Variants in CTDSPL observed in about 807,000 individuals in gnomAD.
The protein encoded by CTDSPL is CTD small phosphatase like.
CTDSPL carries 8 observed loss-of-function variants against 30.5 expected under a neutral mutation model. The observed-to-expected ratio is 0.26, with a 90% confidence interval of 0.15 to 0.47. CTDSPL has a LOEUF of 0.47. Ranked by LOEUF, CTDSPL falls within the 20% of genes least tolerant of loss-of-function variation. CTDSPL has a pLI of 0.99. For missense variants in CTDSPL, 248 were observed against 366.1 expected, an observed-to-expected ratio of 0.68 and a Z score of 2.63; for synonymous variants, 110 against 137.9, an observed-to-expected ratio of 0.80 and a Z score of 1.42.
At chr3:37,931,380 C>G (rs1043051590) in intron 1 of CTDSPL, among the ~76,000 whole-genome samples, 3 of 152,024 alleles carry the variant, frequency 2.0e-5, no homozygotes, top group East Asian at 3.9e-4. Context: ...AACTCCTGGC[C>G]TCAAGTGAGC....
chr3:37,938,873 A>G lies in CTDSPL; in HGVS notation c.80-8184A>G, dbSNP rs921007859. Among the ~76,000 whole-genome samples the G allele has an allele frequency of 4.7e-5, 7 of 149,310 alleles. 1 individual carries two copies. The highest frequency in any genetic ancestry group is 7.3e-5 in the African/African-American group (3 of 41,074). Reference sequence around the variant, plus strand: ...TAATTACAACACTTTCTTTCTAACCATATTTAATATGAGATTTCATAGAAA... The same window carrying G: ...TAATTACAACACTTTCTTTCTAACCGTATTTAATATGAGATTTCATAGAAA... On this transcript the variant is annotated intron_variant, in intron 1 of 7. Transcript: ENST00000273179.
At chr3:37,952,670 T>A (rs1415546066) in intron 2 of CTDSPL, among the ~76,000 whole-genome samples, 1 of 152,238 alleles carries the variant, frequency 6.6e-6, no homozygotes, top group Non-Finnish European at 1.5e-5. Context: ...AGCATACAGT[T>A]GACTTAGTCA....
chr3:37,899,712 G>C (rs1461094358), intron 1 of CTDSPL, among the ~76,000 whole-genome samples: 1 of 152,204 alleles, frequency 6.6e-6, no homozygotes, highest in Non-Finnish European at 1.5e-5. Context: ...CTCAGAGGGA[G>C]CCTTGAGTCC....
Position 37,916,291 on chromosome 3 carries a change from G to A in CTDSPL, c.80-30766G>A, listed in dbSNP as rs1055855285. 5.9e-5 allele frequency among the ~76,000 whole-genome samples: 9 copies of A among 152,308 alleles called. No homozygotes were observed. In the South Asian group the frequency reaches 8.3e-4, roughly 14 times the overall value. The stretch of plus-strand genomic sequence containing the variant: ...AAGTATTTTTCTAGCTTTAGAGTTA[G>A]TCCGAGCTAACATTATTTCAGGTGT... On this transcript the variant is annotated intron_variant, in intron 1 of 7. Transcript: ENST00000273179.
intron 1 of CTDSPL, among the ~76,000 whole-genome samples, chr3:37,877,062 C>T (rs557171590): frequency 1.3e-5 from 2 of 149,950 alleles, no homozygotes; most frequent in South Asian, 2.1e-4. Flanking sequence ...ACCGAGATTG[C>T]GCCTCTGCAC....
chr3:37,899,543 G>T (rs902858177), intron 1 of CTDSPL, among the ~76,000 whole-genome samples: 1 of 152,200 alleles, frequency 6.6e-6, no homozygotes, highest in Non-Finnish European at 1.5e-5. Context: ...AGAGTTTGGC[G>T]TTGAGAAACT....
At position 37,876,151 on chromosome 3, in the gene CTDSPL, G is replaced by A. The variant is rs571797115; in HGVS notation, c.79+13873G>A. On this transcript the variant is annotated intron_variant, in intron 1 of 7. Transcript: ENST00000273179. ...TCTCACCACTTTAGGAGGATGAGGC[G>A]GAGGATTGCTTGAGCCTGGGAGGTG... 5.9e-5 allele frequency among the ~76,000 whole-genome samples: 9 copies of A among 152,112 alleles called. No homozygotes were observed. The South Asian group carries it at 1.0e-3, about 18-fold the overall frequency.
intron 1 of CTDSPL, among the ~76,000 whole-genome samples, chr3:37,928,003 T>C (rs1428353498): frequency 1.3e-5 from 2 of 152,214 alleles, no homozygotes; most frequent in Non-Finnish European, 2.9e-5. Flanking sequence ...CTGTGGCACA[T>C]GTCACAATTT....
chr3:37,984,180 TG>T lies in CTDSPL; in HGVS notation c.*3315del. On this transcript the variant is annotated 3_prime_UTR_variant, in exon 8 of 8. Coordinates refer to ENST00000273179, the MANE Select transcript of CTDSPL (RefSeq NM_001008392.2). The stretch of plus-strand genomic sequence containing the variant: ...GTACTTGCAGTTAACTGTGCAAAAT[TG>T]GCTGGCTGCCTCTGTTCCTACTGTA... The T allele has an allele frequency of 8.8e-6, 4 of 456,142 alleles. No homozygotes were observed. The highest frequency in any genetic ancestry group is 6.2e-5 in the South Asian group (4 of 64,558). The allele number at this position is 456,142 out of a possible 1,614,324, so 28.3% of individuals were successfully genotyped here.
intron 1 of CTDSPL, among the ~76,000 whole-genome samples, chr3:37,873,031 C>T (rs775151021): frequency 6.6e-6 from 1 of 152,176 alleles, no homozygotes; most frequent in South Asian, 2.1e-4. Context: ...GGAAGGGGAG[C>T]ACCTCATTAC....
chr3:37,875,080 A>G (rs1285972351), intron 1 of CTDSPL, among the ~76,000 whole-genome samples: 9 of 152,256 alleles, frequency 5.9e-5, no homozygotes, highest in Admixed American at 5.9e-4. Flanking sequence ...TATTTGAAAT[A>G]AAACTAAGCA....
At chr3:37,951,642 C>T (rs1178904855) in intron 2 of CTDSPL, among the ~76,000 whole-genome samples, 2 of 152,126 alleles carry the variant, frequency 1.3e-5, no homozygotes, top group Non-Finnish European at 2.9e-5. Flanking sequence ...GATCGCACCA[C>T]TCCCCTCCAG....
intron 5 of CTDSPL, among the ~76,000 whole-genome samples, chr3:37,970,518 T>C (rs1037002531): frequency 2.6e-5 from 4 of 152,222 alleles, no homozygotes; most frequent in Non-Finnish European, 5.9e-5. Flanking sequence ...ACGGAATTTA[T>C]TCAAGTTTGA....
chr3:37,966,679 G>A (rs527337768), intron 4 of CTDSPL, among the ~76,000 whole-genome samples: 2 of 152,252 alleles, frequency 1.3e-5, no homozygotes, highest in Non-Finnish European at 2.9e-5. Context: ...GCTTAGTAAC[G>A]GTGCTATGAC....
intron 1 of CTDSPL, among the ~76,000 whole-genome samples, chr3:37,868,590 G>A (rs946860186): frequency 1.3e-5 from 2 of 151,936 alleles, no homozygotes; most frequent in South Asian, 2.1e-4. Context: ...TTAATAAGGC[G>A]TGAAACTTTG....
chr3:37,951,251 C>T (rs1483989435), intron 2 of CTDSPL, among the ~76,000 whole-genome samples: 5 of 152,088 alleles, frequency 3.3e-5, no homozygotes, highest in Non-Finnish European at 5.9e-5. Context: ...ACCTGTAGTC[C>T]CAGCTACTTG....
chr3:37,909,629 G>A (rs1255049971), intron 1 of CTDSPL, among the ~76,000 whole-genome samples: 5 of 152,242 alleles, frequency 3.3e-5, no homozygotes, highest in Non-Finnish European at 5.9e-5. Flanking sequence ...TGTTCCTTTA[G>A]TCAACAGCAG....
intron 1 of CTDSPL, among the ~76,000 whole-genome samples, chr3:37,908,643 G>T (rs1359472501): frequency 6.6e-6 from 1 of 152,136 alleles, no homozygotes; most frequent in Non-Finnish European, 1.5e-5. Context: ...AATCCCTGAC[G>T]ATAGACAGGA....
At chr3:37,933,246 A>C (rs1698877384) in intron 1 of CTDSPL, among the ~76,000 whole-genome samples, 1 of 152,118 alleles carries the variant, frequency 6.6e-6, no homozygotes, top group East Asian at 1.9e-4. Context: ...CAGAATTATT[A>C]TTTTAATACA....
Sources: allele counts gnomAD v4.1 joint callset (sites outside exome capture counted in the v4.1 genomes callset), GRCh38; gene constraint gnomAD v4.1.1; transcripts MANE v1.5; gene names NCBI Gene and HGNC (gene_info 2026-07-23, HGNC 2026-07-21).